Variants in FGF5 observed in about 807,000 individuals in gnomAD.
FGF5 encodes the protein fibroblast growth factor 5, also known as heparin-binding growth factor 5.
Under a neutral mutation model 21.8 loss-of-function variants are expected in FGF5, and 23 were observed. The observed-to-expected ratio is 1.05, with a 90% CI of 0.76 to 1.49. The LOEUF (loss-of-function observed/expected upper bound fraction) is 1.49. FGF5 is among the 40% of genes most tolerant of loss of function. The pLI is 0.00. For missense variants in FGF5, 352 were observed against 332.9 expected (o/e 1.06, Z -0.45); for synonymous variants, 158 against 124.0 (o/e 1.27, Z -1.82).
At chr4:80,272,103 A>T (rs993418252) in intron 1 of FGF5, among the ~76,000 whole-genome samples, 6 of 152,236 alleles carry the variant, frequency 3.9e-5, no homozygotes, top group Non-Finnish European at 5.9e-5. Context: ...TTACGGTAAG[A>T]TTTAGAAGAT....
chr4:80,277,389 C>T (rs1421666733), intron 2 of FGF5, among the ~76,000 whole-genome samples: 1 of 152,126 alleles, frequency 6.6e-6, no homozygotes, highest in Non-Finnish European at 1.5e-5. Flanking sequence ...ACCAATTATC[C>T]AAGCCCACTT....
At chr4:80,276,018 A>C (rs528623014) in intron 2 of FGF5, among the ~76,000 whole-genome samples, 13 of 152,160 alleles carry the variant, frequency 8.5e-5, no homozygotes, top group Admixed American at 6.5e-4. Context: ...ATCTTTAAAA[A>C]ATTCAATGAG....
chr4:80,280,258 T>G (rs1242003445), intron 2 of FGF5, among the ~76,000 whole-genome samples: 2 of 152,240 alleles, frequency 1.3e-5, no homozygotes, highest in African/African-American at 2.4e-5. Flanking sequence ...AAACTCTGCC[T>G]TCGCAGTAAA....
In FGF5 at chr4:80,289,631, C is replaced by T. The variant is rs988740510; in HGVS notation, c.*2959C>T. 6.6e-6 allele frequency: 1 copy of T among 152,008 alleles called. No homozygotes were observed. The highest frequency in any genetic ancestry group is 2.4e-5 in the African/African-American group (1 of 41,406). The allele number at this position is 152,008 out of a possible 1,614,324, so 9.4% of individuals were successfully genotyped here. A position where few individuals can be genotyped will look rare whatever the true frequency, so the allele number is the denominator to read the frequency against. ...TTATTTAAGATTTCTTTATGTGGAA[C>T]ATCTATAGAGATAAATAGAAATTTT... On this transcript the variant is annotated 3_prime_UTR_variant, in exon 3 of 3. Coordinates refer to ENST00000312465, the MANE Select transcript of FGF5 (RefSeq NM_004464.4).
chr4:80,274,675 CTGA>C (rs1222585789), intron 1 of FGF5, among the ~76,000 whole-genome samples: 1 of 152,026 alleles, frequency 6.6e-6, no homozygotes, highest in Non-Finnish European at 1.5e-5. Flanking sequence ...CAAATAATTA[CTGA>C]TGAAGTAGAA....
intron 1 of FGF5, among the ~76,000 whole-genome samples, chr4:80,271,917 G>C (rs970667662): frequency 4.6e-5 from 7 of 152,166 alleles, no homozygotes; most frequent in Admixed American, 3.3e-4. Flanking sequence ...TCCTGAATGA[G>C]TTACTGAGAT....
At chr4:80,282,743 T>C (rs1300251157) in intron 2 of FGF5, among the ~76,000 whole-genome samples, 1 of 152,238 alleles carries the variant, frequency 6.6e-6, no homozygotes, top group Non-Finnish European at 1.5e-5. Flanking sequence ...ATCTCTCTAC[T>C]TCATACTCTT....
intron 1 of FGF5, among the ~76,000 whole-genome samples, chr4:80,270,688 C>T (rs1487708582): frequency 6.6e-6 from 1 of 152,182 alleles, no homozygotes; most frequent in African/African-American, 2.4e-5. Context: ...TACAGTGCTT[C>T]TGTTGACTTA....
At chr4:80,268,590 C>A in intron 1 of FGF5, 1 of 926,574 alleles carries the variant, frequency 1.1e-6, no homozygotes, top group Non-Finnish European at 1.3e-6. Context: ...GGCTGGCTAG[C>A]CTCCTCCGGT....
At chr4:80,282,047 C>T (rs2109927376) in intron 2 of FGF5, among the ~76,000 whole-genome samples, 1 of 152,202 alleles carries the variant, frequency 6.6e-6, no homozygotes, top group South Asian at 2.1e-4. Context: ...ACTGCAACCT[C>T]CGCCCCCTGG....
In FGF5 at chr4:80,267,015, C is replaced by T. The variant is rs757248800; in HGVS notation, c.191C>T (p.Ala64Val). 1.9e-6 allele frequency: 3 copies of T among 1,614,274 alleles called. No homozygotes were observed. The Admixed American group carries it at 5.0e-5, about 27-fold the overall frequency. Reference sequence around the variant, plus strand: ...TCCTCTTCTGCCTCCTCCTCCCCCGCAGCTTCTCTGGGCAGCCAAGGAAGT... The same window carrying T: ...TCCTCTTCTGCCTCCTCCTCCCCCGTAGCTTCTCTGGGCAGCCAAGGAAGT... ...MSSSSASSSP[A>V]ASLGSQGSGL... Residue 64 changes from alanine (A) to valine (V), a missense_variant, in exon 1 of 3, where the codon GCA becomes GTA. Coordinates refer to ENST00000312465, the MANE Select transcript of FGF5 (RefSeq NM_004464.4).
intron 2 of FGF5, among the ~76,000 whole-genome samples, chr4:80,283,646 C>T (rs1160080838): frequency 2.0e-5 from 3 of 151,864 alleles, no homozygotes; most frequent in Non-Finnish European, 4.4e-5. Flanking sequence ...TAATGTAGTA[C>T]ATTGTAAAAA....
In FGF5 at chr4:80,288,095, G is replaced by A. The variant is rs1344620467; in HGVS notation, c.*1423G>A. On this transcript the variant is annotated 3_prime_UTR_variant, in exon 3 of 3. Coordinates refer to ENST00000312465, the MANE Select transcript of FGF5 (RefSeq NM_004464.4). ...TTACATTCAGAAATGTGGCAAAAAA[G>A]GCATAGCTAAAGGCTAAACATATGG... The A allele has an allele frequency of 6.6e-6, 1 of 152,054 alleles. No individual in the cohort carries two copies. The highest frequency in any genetic ancestry group is 1.5e-5 in the Non-Finnish European group (1 of 67,980). The allele number at this position is 152,054 out of a possible 1,614,324, so 9.4% of individuals were successfully genotyped here. A position where few individuals can be genotyped will look rare whatever the true frequency, so the allele number is the denominator to read the frequency against.
At chr4:80,284,853 A>G (rs751518957) in intron 2 of FGF5, among the ~76,000 whole-genome samples, 2 of 152,208 alleles carry the variant, frequency 1.3e-5, no homozygotes, top group Non-Finnish European at 2.9e-5. Flanking sequence ...AGGCCATTTT[A>G]TTCCCGTATA....
Position 80,286,568 on chromosome 4 carries a change from G to T in FGF5, c.703G>T (p.Glu235Ter). ...ACTTTCTTTCACGGTTACTGTTCCT[G>T]AAAAGAAAAAGCCACCTAGCCCTAT... ...PELSFTVTVP[E>*]KKKPPSPIKP... is the part of the protein sequence containing the mutation. The change falls in exon 3 of 3, where the codon GAA (glutamate) becomes TAA (stop). Residue 235 changes from glutamate (E) to a stop codon, truncating the protein, a stop_gained. Coordinates refer to ENST00000312465, the MANE Select transcript of FGF5 (RefSeq NM_004464.4). LOFTEE classifies it high-confidence loss of function. 1.2e-6 allele frequency: 2 copies of T among 1,614,032 alleles called. No individual in the cohort carries two copies. Among genetic ancestry groups the T allele is most frequent in the Middle Eastern group, 1.6e-4 (1 of 6,062 alleles).
rs1361911817 is a variant in FGF5 at position 80,287,330 on chromosome 4, T to C, written c.*658T>C. ...ACATTTTAAAATGTTTAAATTCTCT[T>C]TCACAGCACCAAAGGCTCAGCTTGG... On this transcript the variant is annotated 3_prime_UTR_variant, in exon 3 of 3. Coordinates refer to ENST00000312465, the MANE Select transcript of FGF5 (RefSeq NM_004464.4). The C allele has an allele frequency of 6.6e-6, 1 of 152,214 alleles. No homozygotes were observed. The highest frequency in any genetic ancestry group is 6.5e-5 in the Admixed American group (1 of 15,270). The allele number at this position is 152,214 out of a possible 1,614,324, so 9.4% of individuals were successfully genotyped here. A position where few individuals can be genotyped will look rare whatever the true frequency, so the allele number is the denominator to read the frequency against.
chr4:80,275,175 G>A (rs1720377356), intron 2 of FGF5, among the ~76,000 whole-genome samples, 163 bp downstream of exon 2: 1 of 151,920 alleles, frequency 6.6e-6, no homozygotes, highest in African/African-American at 2.4e-5. Context: ...GCTTCCAGAA[G>A]TAATAATTTA....
chr4:80,288,616 A>G lies in FGF5; in HGVS notation c.*1944A>G, dbSNP rs1720807126. The stretch of plus-strand genomic sequence containing the variant: ...TAAAAATATTACTCTAGTTTATTCT[A>G]ATCTATTGTTAAGTATTGTGCACTG... On this transcript the variant is annotated 3_prime_UTR_variant, in exon 3 of 3. Coordinates refer to ENST00000312465, the MANE Select transcript of FGF5 (RefSeq NM_004464.4). 1.3e-5 allele frequency: 2 copies of G among 152,402 alleles called. No homozygotes were observed. Among genetic ancestry groups the G allele is most frequent in the African/African-American group, 4.8e-5 (2 of 41,460 alleles). 9.4% of individuals were successfully genotyped at this position (152,402 alleles called of 1,614,324 possible). A position where few individuals can be genotyped will look rare whatever the true frequency, so the allele number is the denominator to read the frequency against.
intron 1 of FGF5, among the ~76,000 whole-genome samples, chr4:80,272,284 A>G (rs553708075): frequency 6.6e-6 from 1 of 152,288 alleles, no homozygotes; most frequent in African/African-American, 2.4e-5. Flanking sequence ...CTCAGGCACT[A>G]TATCATTTTT....
Sources: allele counts gnomAD v4.1 joint callset (sites outside exome capture counted in the v4.1 genomes callset), GRCh38; gene constraint gnomAD v4.1.1; transcripts MANE v1.5; gene names NCBI Gene and HGNC (gene_info 2026-07-23, HGNC 2026-07-21).